MARCHF1: variants seen among roughly 807,000 people sequenced by gnomAD.
The protein encoded by MARCHF1 is E3 ubiquitin-protein ligase MARCHF1.
MARCHF1 carries 40 observed loss-of-function variants against 54.2 expected under a neutral mutation model. That is an observed-to-expected ratio of 0.74 (90% CI 0.57 to 0.96). MARCHF1 has a LOEUF of 0.96. Among genes scored for constraint, MARCHF1 ranks in the 40% least tolerant of loss-of-function variants. The probability of loss-of-function intolerance (pLI) is 0.00; values close to 1 mark genes in which losing one functional copy is unlikely to be tolerated. For missense variants in MARCHF1, 586 were observed against 656.5 expected, an observed-to-expected ratio of 0.89 and a Z score of 1.17; for synonymous variants, 236 against 236.3, an observed-to-expected ratio of 1.00 and a Z score of 0.01.
chr4:163,986,238 A>G (rs1374593504), intron 3 of MARCHF1, among the ~76,000 whole-genome samples: 1 of 95,440 alleles, frequency 1.0e-5, no homozygotes, highest in Admixed American at 1.3e-4. Flanking sequence ...TTTTCTCCTA[A>G]TTAACCTCTT....
chr4:164,109,538 A>T (rs17613729), intron 2 of MARCHF1, among the ~76,000 whole-genome samples: 105,821 of 151,656 alleles, frequency 0.7, 38,555 homozygotes, highest in Non-Finnish European at 0.82. Flanking sequence ...TATTTCCTTA[A>T]TTTTTTTTCA....
intron 2 of MARCHF1, among the ~76,000 whole-genome samples, chr4:164,009,756 A>G (rs1560860106): frequency 6.6e-6 from 1 of 152,134 alleles, no homozygotes; most frequent in African/African-American, 2.4e-5. Flanking sequence ...TTAATGGTAA[A>G]GAAAAAAAAA....
In MARCHF1 at chr4:163,635,356, C is replaced by G. The variant is rs947594241; in HGVS notation, c.163-21963G>C. On this transcript the variant is annotated intron_variant, in intron 5 of 9. Transcript: ENST00000514618. ...CAAAATTGATAGACCGCTAGCAAGACTAATAAAAAAAGATAGAAGAATCAA... is the reference window on the plus strand; with the variant it reads ...CAAAATTGATAGACCGCTAGCAAGAGTAATAAAAAAAGATAGAAGAATCAA... Among the ~76,000 whole-genome samples the G allele has an allele frequency of 1.4e-3, 215 of 150,992 alleles. 1 individual carries two copies. Among genetic ancestry groups the G allele is most frequent in the African/African-American group, 4.9e-3 (200 of 41,044 alleles).
chr4:163,937,498 A>T (rs1428231374), intron 3 of MARCHF1, among the ~76,000 whole-genome samples: 1 of 151,454 alleles, frequency 6.6e-6, no homozygotes, highest in Non-Finnish European at 1.5e-5. Flanking sequence ...AATGTATAAC[A>T]TATATAAATA....
chr4:164,350,082 G>A, intron 1 of MARCHF1, among the ~76,000 whole-genome samples: 1 of 152,084 alleles, frequency 6.6e-6, no homozygotes, highest in Non-Finnish European at 1.5e-5. Context: ...ACATATTCAA[G>A]TGAATAAGAA....
intron 1 of MARCHF1, chr4:164,197,093 C>T (rs1302491292): frequency 6.2e-7 from 1 of 1,606,658 alleles, no homozygotes; most frequent in Admixed American, 1.7e-5. Context: ...TAACCTTCTT[C>T]ATCCTCCTCG....
rs1351933463 is a variant in MARCHF1 at position 163,526,449 on chromosome 4, T to C, written c.*2299A>G. The C allele has an allele frequency of 6.6e-6, 1 of 152,134 alleles. No homozygotes were observed. The highest frequency in any genetic ancestry group is 6.6e-5 in the Admixed American group (1 of 15,254). 9.4% of individuals were successfully genotyped at this position (152,134 alleles called of 1,614,324 possible). On this transcript the variant is annotated 3_prime_UTR_variant, in exon 10 of 10. Transcript: ENST00000514618. Reference sequence around the variant, plus strand: ...TCCCCGGGAATATCTGTAAGCAGCATGTTGCCATTACTAACCCACAGGGAA... The same window carrying C: ...TCCCCGGGAATATCTGTAAGCAGCACGTTGCCATTACTAACCCACAGGGAA...
At chr4:164,090,479 C>T (rs1027495857) in intron 2 of MARCHF1, among the ~76,000 whole-genome samples, 2 of 151,982 alleles carry the variant, frequency 1.3e-5, no homozygotes, top group African/African-American at 2.4e-5. Flanking sequence ...ATCTATAAGA[C>T]ATTATAGTAT....
At chr4:164,052,075 T>C (rs1203327366) in intron 2 of MARCHF1, among the ~76,000 whole-genome samples, 3 of 151,398 alleles carry the variant, frequency 2.0e-5, no homozygotes, top group Admixed American at 1.3e-4. Flanking sequence ...ATTTCTACTA[T>C]TAAAAAAAAG....
rs111479318 is a variant in MARCHF1, at chr4:163,619,719, T to C, written c.163-6326A>G. Among the ~76,000 whole-genome samples the C allele has an allele frequency of 4.0e-4, 61 of 151,998 alleles. 1 individual carries two copies. Among genetic ancestry groups the C allele is most frequent in the African/African-American group, 1.4e-3 (59 of 41,476 alleles). ...CTGGTCATTTGGAAGAATGTAAACC[T>C]GAGTCTACTGGTTACAGTAAAGTTT... On this transcript the variant is annotated intron_variant, in intron 5 of 9. Coordinates refer to ENST00000514618, the MANE Select transcript of MARCHF1 (RefSeq NM_001394959.1).
At chr4:164,287,596 C>T (rs904558134) in intron 1 of MARCHF1, among the ~76,000 whole-genome samples, 3 of 151,486 alleles carry the variant, frequency 2.0e-5, no homozygotes, top group African/African-American at 7.3e-5. Flanking sequence ...GAAAAGTAAC[C>T]CTTCCGTCAG....
In MARCHF1 at chr4:163,986,249, C is replaced by CTTTTTT. The variant is rs869081083; in HGVS notation, c.-39+2246_-39+2251dup. ...TTCCTTTTCTCCTAATTAACCTCTT[C>CTTTTTT]TTTTTTTTTTTTTTTTTTTTTTTTT... is the stretch of plus-strand genomic sequence containing the variant. On this transcript the variant is annotated intron_variant, in intron 3 of 9. Transcript: ENST00000514618. Among the ~76,000 whole-genome samples, 101 of 28,858 alleles carry CTTTTTT rather than the reference C, an allele frequency of 3.5e-3. 10 individuals are homozygous for CTTTTTT. The highest frequency in any genetic ancestry group is 5.1e-3 in the African/African-American group (52 of 10,148). 18.9% of individuals were successfully genotyped at this position (28,858 alleles called of 152,430 possible).
intron 1 of MARCHF1, among the ~76,000 whole-genome samples, chr4:164,217,125 A>G (rs143310772): frequency 4.3e-4 from 66 of 152,298 alleles, no homozygotes; most frequent in South Asian, 2.9e-3. Flanking sequence ...CTGCTTGCCA[A>G]TGATTTTATC....
At chr4:163,997,622 T>G (rs996655149) in intron 2 of MARCHF1, among the ~76,000 whole-genome samples, 2 of 152,026 alleles carry the variant, frequency 1.3e-5, no homozygotes, top group Non-Finnish European at 2.9e-5. Flanking sequence ...GTTTACTATT[T>G]GTACATAGGT....
chr4:164,148,620 C>A (rs1353702841), intron 1 of MARCHF1, among the ~76,000 whole-genome samples: 2 of 151,974 alleles, frequency 1.3e-5, no homozygotes, highest in Non-Finnish European at 2.9e-5. Flanking sequence ...CAATGAAGAT[C>A]CTCAAATAAA....
At chr4:163,545,106 A>C (rs74455178) in intron 9 of MARCHF1, among the ~76,000 whole-genome samples, 3 of 152,222 alleles carry the variant, frequency 2.0e-5, no homozygotes, top group Admixed American at 6.5e-5. Flanking sequence ...CAAACTTCGC[A>C]TGGCTAAAAT....
intron 4 of MARCHF1, among the ~76,000 whole-genome samples, chr4:163,743,881 T>A (rs1181618420): frequency 6.6e-6 from 1 of 152,206 alleles, no homozygotes; most frequent in Non-Finnish European, 1.5e-5. Context: ...ACCCAGAAAT[T>A]GGCACTGAAA....
At chr4:164,356,780 CA>C (rs58855405) in intron 1 of MARCHF1, among the ~76,000 whole-genome samples, 2,543 of 103,134 alleles carry the variant, frequency 0.025, 110 homozygotes, top group African/African-American at 0.077. Context: ...AAAAGAAAAG[CA>C]AAAAAAAAAA....
intron 4 of MARCHF1, among the ~76,000 whole-genome samples, chr4:163,710,380 G>A (rs549051380): frequency 2.0e-5 from 3 of 152,176 alleles, no homozygotes; most frequent in Admixed American, 6.5e-5. Context: ...AATATATTAT[G>A]TACTTACACA....
Sources: gnomAD v4.1 joint callset for allele counts (sites outside exome capture counted in the v4.1 genomes callset) on GRCh38, gnomAD v4.1.1 for gene constraint, MANE v1.5 for transcripts, NCBI Gene and HGNC (gene_info 2026-07-23, HGNC 2026-07-21) for gene names.